Variants in TMCC2 observed in about 807,000 individuals in gnomAD.
TMCC2 encodes transmembrane and coiled-coil domain family 2.
Under a neutral mutation model 49.4 loss-of-function variants are expected in TMCC2, and 16 were observed. The observed-to-expected ratio is 0.32, with a 90% CI of 0.22 to 0.49. The LOEUF is 0.49. Ranked by LOEUF, TMCC2 falls within the 20% of genes least tolerant of loss-of-function variation. TMCC2 has a pLI of 0.99. For synonymous variants in TMCC2, 397 were observed against 434.1 expected, an observed-to-expected ratio of 0.91 and a Z score of 1.06; for missense variants, 762 against 989.8, an observed-to-expected ratio of 0.77 and a Z score of 3.09.
intron 1 of TMCC2, among the ~76,000 whole-genome samples, chr1:205,238,584 G>A (rs1660146888): frequency 6.6e-6 from 1 of 152,148 alleles, no homozygotes; most frequent in Admixed American, 6.5e-5. Context: ...TGAGGGTCTT[G>A]TCCCATAACA....
At chr1:205,237,269 T>A (rs79622699) in intron 1 of TMCC2, among the ~76,000 whole-genome samples, 3 of 152,098 alleles carry the variant, frequency 2.0e-5, no homozygotes, top group Admixed American at 6.5e-5. Flanking sequence ...TCAATCCACT[T>A]TGGATCCTAA....
At position 205,264,007 on chromosome 1, in the gene TMCC2, G is replaced by A. The variant is rs1661220216; in HGVS notation, c.748-4943G>A. Among the ~76,000 whole-genome samples the A allele has an allele frequency of 2.0e-5, 3 of 152,218 alleles. No individual in the cohort carries two copies. The highest frequency in any genetic ancestry group is 2.0e-4 in the Admixed American group (3 of 15,284). ...TCTGTAGGCCTTGGTTTTCTCTCCT[G>A]TAAAATGGAAATAATAGTGCTACCC... is the stretch of plus-strand genomic sequence containing the variant. On this transcript the variant is annotated intron_variant, in intron 2 of 4. Transcript: ENST00000358024. This position sits in a 1 kb window ranked among gnomAD's most constrained non-coding sequence, Gnocchi z 4.2.
intron 1 of TMCC2, among the ~76,000 whole-genome samples, chr1:205,237,020 G>A (rs1170279802): frequency 1.3e-5 from 2 of 152,076 alleles, no homozygotes. Flanking sequence ...TTTTGCCCGT[G>A]TGCCCATGAG....
chr1:205,262,400 G>A lies in TMCC2; in HGVS notation c.748-6550G>A, dbSNP rs75364558. On this transcript the variant is annotated intron_variant, in intron 2 of 4. Transcript: ENST00000358024. ...GCCCCTCCACACACCAGGCCCAGGA[G>A]TGTCTCTTCTCTCATTCCTGGGGAT... Among the ~76,000 whole-genome samples, 495 of 152,286 alleles carry A rather than the reference G, an allele frequency of 3.3e-3. 1 individual carries two copies. Among genetic ancestry groups the A allele is most frequent in the African/African-American group, 0.011 (469 of 41,548 alleles).
rs910504772 is a variant in TMCC2 at position 205,241,051 on chromosome 1, G to A, written c.208-454G>A. On this transcript the variant is annotated intron_variant, in intron 1 of 4. Transcript: ENST00000358024. The surrounding 1 kb of genome is among the most constrained non-coding windows in gnomAD (Gnocchi z 7.3). ...TTTTACTGGGGGAATGTTGGAATTA[G>A]GCAACTTTGGAAATCGATGCTTGGT... Among the ~76,000 whole-genome samples the A allele has an allele frequency of 5.3e-5, 8 of 152,146 alleles. No homozygotes were observed. Among genetic ancestry groups the A allele is most frequent in the Non-Finnish European group, 7.3e-5 (5 of 68,032 alleles).
At position 205,229,569 on chromosome 1, in the gene TMCC2, G is replaced by A. The variant is rs574936836; in HGVS notation, c.207+798G>A. On this transcript the variant is annotated intron_variant, in intron 1 of 4. Coordinates refer to ENST00000358024, the MANE Select transcript of TMCC2 (RefSeq NM_014858.4). ...GCGGGGGGGGGGGGGTGGTGGCGGGGGCGGGGGGGGAAGGTGGATTTCCTG... is the reference window on the plus strand; with the variant it reads ...GCGGGGGGGGGGGGGTGGTGGCGGGAGCGGGGGGGGAAGGTGGATTTCCTG... 1.5e-3 allele frequency: 1,364 copies of A among 882,794 alleles called. 6 individuals carry two copies. The highest frequency in any genetic ancestry group is 1.7e-3 in the Non-Finnish European group (1,299 of 749,150). 54.7% of individuals were successfully genotyped at this position (882,794 alleles called of 1,614,324 possible). A position where few individuals can be genotyped will look rare whatever the true frequency, so the allele number is the denominator to read the frequency against.
chr1:205,244,100 T>C (rs1454412300), intron 2 of TMCC2, among the ~76,000 whole-genome samples: 1 of 152,218 alleles, frequency 6.6e-6, no homozygotes, highest in Non-Finnish European at 1.5e-5. Context: ...TTGGGAACCA[T>C]GGCCTGAAGC....
At position 205,229,151 on chromosome 1, in the gene TMCC2, CTTTGTGTGTG is replaced by C; in HGVS notation, c.207+382_207+391del. 3.0e-6 allele frequency: 3 copies of C among 1,014,544 alleles called. No individual in the cohort carries two copies. The Admixed American group carries it at 1.5e-4, about 52-fold the overall frequency. 62.8% of individuals were successfully genotyped at this position (1,014,544 alleles called of 1,614,324 possible). On this transcript the variant is annotated intron_variant, in intron 1 of 4. Transcript: ENST00000358024. ...TGAGTAAGTCTCTACCCATTGGGATCTTTGTGTGTGTGTGTGTGTGTGTGTGTGTGTGTGT... is the reference window on the plus strand; with the variant it reads ...TGAGTAAGTCTCTACCCATTGGGATCTGTGTGTGTGTGTGTGTGTGTGTGT...
chr1:205,263,166 C>T (rs538475011), intron 2 of TMCC2, among the ~76,000 whole-genome samples: 27 of 152,164 alleles, frequency 1.8e-4, no homozygotes, highest in South Asian at 2.1e-4. Flanking sequence ...CCCCTAAGCA[C>T]GAGACGGGGC....
chr1:205,253,249 TAAAG>T (rs1449256101), intron 2 of TMCC2, among the ~76,000 whole-genome samples: 1 of 151,856 alleles, frequency 6.6e-6, no homozygotes, highest in Non-Finnish European at 1.5e-5. Flanking sequence ...TAAAGAATAC[TAAAG>T]AAAGAAGGGG....
intron 2 of TMCC2, among the ~76,000 whole-genome samples, chr1:205,249,190 T>C (rs114330725): frequency 1.8e-3 from 269 of 152,274 alleles, no homozygotes; most frequent in African/African-American, 6.2e-3. Flanking sequence ...TGGTGTTATC[T>C]CCAGGCTCCA....
chr1:205,271,011 CG>C, intron 3 of TMCC2, 108 bp from the exon 4 acceptor site: 1 of 1,458,690 alleles, frequency 6.9e-7, no homozygotes, highest in Non-Finnish European at 9.3e-7. Flanking sequence ...GAGCTGGACA[CG>C]GGGGATGGGC....
At chr1:205,256,075 TG>T in intron 2 of TMCC2, 2 of 664,690 alleles carry the variant, frequency 3.0e-6, no homozygotes, top group Non-Finnish European at 4.6e-6. Flanking sequence ...CTGCAAGCCC[TG>T]GCACTGGCTC....
At position 205,271,916 on chromosome 1, in the gene TMCC2, C is replaced by T. The variant is rs1661614635; in HGVS notation, c.1922C>T (p.Ala641Val). The stretch of plus-strand genomic sequence containing the variant: ...GGCGTGGAGAATGCCAACGCGCGGG[C>T]GCTGCTGGGCAAGTTCATCAACGTG... Reference protein sequence around the residue: ...LEGVENANARALLGKFINVIL... With the variant: ...LEGVENANARVLLGKFINVIL... The change falls in exon 5 of 5, where the codon GCG becomes GTG. Residue 641 changes from alanine to valine, a missense_variant. Around this residue, in one of 2 missense-constraint regions of TMCC2, gnomAD observed 440 missense variants for 636.7 expected, o/e 0.69. Coordinates refer to ENST00000358024, the MANE Select transcript of TMCC2 (RefSeq NM_014858.4). 3 of 1,614,192 alleles carry T rather than the reference C, an allele frequency of 1.9e-6. No individual in the cohort carries two copies. The highest frequency in any genetic ancestry group is 1.7e-6 in the Non-Finnish European group (2 of 1,180,024).
intron 2 of TMCC2, 116 bp downstream of exon 2, chr1:205,242,160 C>G: frequency 8.6e-7 from 1 of 1,160,880 alleles, no homozygotes. Context: ...TGACACCCCA[C>G]CGTCTGCAGA....
Position 205,228,318 on chromosome 1 carries a change from C to A in TMCC2, c.-247C>A. Reference sequence around the variant, plus strand: ...AAGGACTCTTGCTGCCCAGCCTCGACTGTGACCTGTCTTCGCTCCCCAGGT... The same window carrying A: ...AAGGACTCTTGCTGCCCAGCCTCGAATGTGACCTGTCTTCGCTCCCCAGGT... On this transcript the variant is annotated 5_prime_UTR_variant, in exon 1 of 5. It adds an upstream start codon to the 5' untranslated region. Coordinates refer to ENST00000358024, the MANE Select transcript of TMCC2 (RefSeq NM_014858.4). 1 of 414,446 alleles carries A rather than the reference C, an allele frequency of 2.4e-6. No individual in the cohort carries two copies. Among genetic ancestry groups the A allele is most frequent in the Non-Finnish European group, 4.4e-6 (1 of 227,572 alleles). The allele number at this position is 414,446 out of a possible 1,614,324, so 25.7% of individuals were successfully genotyped here. A position where few individuals can be genotyped will look rare whatever the true frequency, so the allele number is the denominator to read the frequency against.
chr1:205,238,106 A>G (rs939702724), intron 1 of TMCC2, among the ~76,000 whole-genome samples: 1 of 152,204 alleles, frequency 6.6e-6, no homozygotes, highest in Admixed American at 6.5e-5. Context: ...AGCAAGTGAC[A>G]TTTTAGGAGC....
intron 4 of TMCC2, 49 bp downstream of exon 4, chr1:205,271,304 G>A: frequency 6.2e-7 from 1 of 1,613,442 alleles, no homozygotes; most frequent in South Asian, 1.1e-5. Context: ...GGTAGAGCTG[G>A]CAGCAGCCAG....
At chr1:205,250,506 A>C (rs1660625977) in intron 2 of TMCC2, among the ~76,000 whole-genome samples, 1 of 151,974 alleles carries the variant, frequency 6.6e-6, no homozygotes, top group Non-Finnish European at 1.5e-5. Context: ...GCGCCATTAC[A>C]CTCCAGACTG....
Sources: gnomAD v4.1 joint callset for allele counts (sites outside exome capture counted in the v4.1 genomes callset) on GRCh38, gnomAD v4.1.1 for gene constraint, gnomAD v4.1.1 regional missense constraint, Gnocchi (gnomAD v3.1) non-coding constraint, MANE v1.5 for transcripts, NCBI Gene and HGNC (gene_info 2026-07-23, HGNC 2026-07-21) for gene names.